GRIN2A: variants seen among roughly 807,000 people sequenced by gnomAD.
The protein encoded by GRIN2A is glutamate receptor ionotropic, NMDA 2A.
GRIN2A carries 22 observed loss-of-function variants against 113.4 expected under a neutral mutation model. That is an observed-to-expected ratio of 0.19 (90% CI 0.14 to 0.28). The LOEUF is 0.28. Among genes scored for constraint, GRIN2A ranks in the 10% least tolerant of loss-of-function variants. GRIN2A has a pLI of 1.00. For synonymous variants in GRIN2A, 827 were observed against 738.4 expected (o/e 1.12, Z -1.94); for missense variants, 1,502 against 1,887.0 (o/e 0.80, Z 3.78).
chr16:9,836,085 T>A (rs1344389993), intron 7 of GRIN2A, among the ~76,000 whole-genome samples: 1 of 151,030 alleles, frequency 6.6e-6, no homozygotes, highest in Non-Finnish European at 1.5e-5. Context: ...GGAAATTAGA[T>A]AAATAAATGA....
At chr16:9,840,569 C>T (rs2042655665) in intron 7 of GRIN2A, 78 bp downstream of exon 7, 1 of 1,331,188 alleles carries the variant, frequency 7.5e-7, no homozygotes. Context: ...AAGTTCCTTT[C>T]TGGTCCCATC....
intron 2 of GRIN2A, among the ~76,000 whole-genome samples, chr16:10,003,803 C>A (rs557069333): frequency 6.6e-6 from 1 of 152,150 alleles, no homozygotes; most frequent in African/African-American, 2.4e-5. Flanking sequence ...AGACACTGAG[C>A]TATGAGTAAG....
chr16:10,106,413 T>C (rs1176741233), intron 2 of GRIN2A, among the ~76,000 whole-genome samples: 1 of 151,872 alleles, frequency 6.6e-6, no homozygotes, highest in Admixed American at 6.6e-5. Flanking sequence ...ATTGTTTTAA[T>C]TTAAAAAAAT....
In GRIN2A at chr16:9,763,887, G is replaced by C. The variant is rs1370140262; in HGVS notation, c.3657C>G (p.Ser1219=). The C allele has an allele frequency of 6.2e-7, 1 of 1,614,116 alleles. No individual in the cohort carries two copies. Among genetic ancestry groups the C allele is most frequent in the African/African-American group, 1.3e-5 (1 of 75,030 alleles). ...QNSTHCRSCL[S]NMPTYSGHFT... Reference sequence around the variant, plus strand: ...AGTGGCCTGAATAGGTGGGCATGTTGGAAAGGCAGCTTCTGCAGTGCGTGG... The same window carrying C: ...AGTGGCCTGAATAGGTGGGCATGTTCGAAAGGCAGCTTCTGCAGTGCGTGG... Residue 1219 remains serine (S), a synonymous_variant, in exon 13 of 13, where the codon TCC becomes TCG. Transcript: ENST00000330684.
At chr16:9,783,104 C>T (rs1172626069) in intron 11 of GRIN2A, among the ~76,000 whole-genome samples, 2 of 152,186 alleles carry the variant, frequency 1.3e-5, no homozygotes, top group African/African-American at 4.8e-5. Flanking sequence ...TGATCACCCC[C>T]TTCTGATGTC....
chr16:10,085,799 G>C (rs915633187), intron 2 of GRIN2A, among the ~76,000 whole-genome samples: 1 of 152,156 alleles, frequency 6.6e-6, no homozygotes, highest in African/African-American at 2.4e-5. Context: ...AGTTTTCAAG[G>C]TTTCTCTGGG....
At chr16:10,175,631 C>G (rs954742822) in intron 2 of GRIN2A, among the ~76,000 whole-genome samples, 1 of 152,134 alleles carries the variant, frequency 6.6e-6, no homozygotes, top group Non-Finnish European at 1.5e-5. Context: ...TACAGATAAA[C>G]AGTTTTTTTA....
intron 2 of GRIN2A, among the ~76,000 whole-genome samples, chr16:9,972,167 T>C (rs1482992252): frequency 6.6e-6 from 1 of 152,122 alleles, no homozygotes; most frequent in South Asian, 2.1e-4. Context: ...AGGCTCAAAG[T>C]AGTTTGCATT....
intron 2 of GRIN2A, among the ~76,000 whole-genome samples, chr16:10,082,388 C>T (rs921605645): frequency 6.6e-6 from 1 of 152,222 alleles, no homozygotes; most frequent in Non-Finnish European, 1.5e-5. Context: ...AGATGACCAC[C>T]AATGACCCAT....
intron 11 of GRIN2A, among the ~76,000 whole-genome samples, chr16:9,792,993 G>A (rs564641566): frequency 2.0e-5 from 3 of 152,098 alleles, no homozygotes; most frequent in Non-Finnish European, 4.4e-5. Flanking sequence ...AGAAATGCTG[G>A]GTCTCAGGCT....
At chr16:10,015,483 C>G (rs1381669592) in intron 2 of GRIN2A, among the ~76,000 whole-genome samples, 1 of 151,716 alleles carries the variant, frequency 6.6e-6, no homozygotes, top group Non-Finnish European at 1.5e-5. Flanking sequence ...ACAACTAGTT[C>G]ACTCAGGCAA....
At chr16:10,034,136 CT>C (rs1253348493) in intron 2 of GRIN2A, among the ~76,000 whole-genome samples, 6 of 152,198 alleles carry the variant, frequency 3.9e-5, no homozygotes, top group Admixed American at 2.0e-4. Flanking sequence ...TCCACCTTCT[CT>C]GCAACCAAAT....
At chr16:9,941,176 G>A (rs1413833191) in intron 2 of GRIN2A, among the ~76,000 whole-genome samples, 1 of 152,148 alleles carries the variant, frequency 6.6e-6, no homozygotes, top group Non-Finnish European at 1.5e-5. Context: ...AATAAAAAGG[G>A]TCTATGAGAC....
chr16:9,946,806 C>G (rs998588187), intron 2 of GRIN2A, among the ~76,000 whole-genome samples: 5 of 152,188 alleles, frequency 3.3e-5, no homozygotes, highest in African/African-American at 1.2e-4. Context: ...GCCACCCAAC[C>G]ACTATATACC....
At chr16:10,048,097 T>C (rs1301218924) in intron 2 of GRIN2A, among the ~76,000 whole-genome samples, 1 of 152,238 alleles carries the variant, frequency 6.6e-6, no homozygotes, top group African/African-American at 2.4e-5. Context: ...TCAATAGTTA[T>C]ATTTCCTGAT....
At chr16:9,856,027 A>T (rs188654733) in intron 4 of GRIN2A, among the ~76,000 whole-genome samples, 421 of 152,286 alleles carry the variant, frequency 2.8e-3, no homozygotes, top group African/African-American at 8.5e-3. Flanking sequence ...AATGACAAAG[A>T]CCATTGTTAA....
chr16:9,915,103 A>AT (rs2044220285), intron 3 of GRIN2A, among the ~76,000 whole-genome samples: 2 of 149,926 alleles, frequency 1.3e-5, no homozygotes, highest in African/African-American at 4.9e-5. Flanking sequence ...CACCCGGCTA[A>AT]TTTTTTGTAT....
chr16:9,859,332 G>A (rs1466135486), intron 4 of GRIN2A, among the ~76,000 whole-genome samples: 2 of 151,960 alleles, frequency 1.3e-5, no homozygotes, highest in Non-Finnish European at 2.9e-5. Flanking sequence ...AATTAAAATA[G>A]CACTAAAAAC....
intron 2 of GRIN2A, among the ~76,000 whole-genome samples, chr16:10,069,282 T>C (rs1230265262): frequency 6.6e-6 from 1 of 152,086 alleles, no homozygotes; most frequent in East Asian, 1.9e-4. Context: ...AGGAGAATAA[T>C]TATACATTGC....
Sources: allele counts gnomAD v4.1 joint callset (sites outside exome capture counted in the v4.1 genomes callset), GRCh38; gene constraint gnomAD v4.1.1; transcripts MANE v1.5; gene names NCBI Gene and HGNC (gene_info 2026-07-23, HGNC 2026-07-21).